TACC1: variants seen among roughly 807,000 people sequenced by gnomAD.
TACC1 encodes transforming acidic coiled-coil containing protein 1, also known as transforming acidic coiled-coil-containing protein 1.
Under a neutral mutation model 84.4 loss-of-function variants are expected in TACC1, and 48 were observed. That is an observed-to-expected ratio of 0.57 (90% CI 0.45 to 0.72). TACC1 has a LOEUF of 0.72. TACC1 is among the 30% of genes least tolerant of loss of function. The pLI is 0.00. For missense variants in TACC1, 920 were observed against 973.0 expected (o/e 0.95, Z 0.72); for synonymous variants, 372 against 376.3 (o/e 0.99, Z 0.13).
At chr8:38,812,814 A>G (rs1824534256) in intron 2 of TACC1, among the ~76,000 whole-genome samples, 1 of 152,088 alleles carries the variant, frequency 6.6e-6, no homozygotes, top group Non-Finnish European at 1.5e-5. Context: ...CTTTCCTGCT[A>G]GTCTCTAAAC....
chr8:38,738,019 G>C (rs116397359), intron 1 of TACC1, among the ~76,000 whole-genome samples: 1 of 152,064 alleles, frequency 6.6e-6, no homozygotes, highest in Non-Finnish European at 1.5e-5. Flanking sequence ...GAGTCACTGC[G>C]CCCGGCCTGG....
At chr8:38,814,376 C>A (rs118056711) in intron 2 of TACC1, among the ~76,000 whole-genome samples, 1,946 of 152,300 alleles carry the variant, frequency 0.013, 18 homozygotes, top group Non-Finnish European at 0.018. Flanking sequence ...CGACTGACTG[C>A]ATATATGATG....
intron 3 of TACC1, among the ~76,000 whole-genome samples, chr8:38,750,319 A>G (rs1808799837): frequency 6.6e-6 from 1 of 152,246 alleles, no homozygotes; most frequent in Admixed American, 6.5e-5. Context: ...AACTTCCTCA[A>G]CCTGATTAAG....
upstream of TACC1, among the ~76,000 whole-genome samples, chr8:38,785,101 GTT>G (rs1816864056): frequency 7.5e-6 from 1 of 134,086 alleles, no homozygotes; most frequent in Admixed American, 8.2e-5. Flanking sequence ...GCTGAAGGAC[GTT>G]CGAGCAGCTG....
In TACC1 at chr8:38,787,452, T is replaced by C. The variant is rs1817515650; in HGVS notation, c.-131T>C. ...ACCAGGGCCCCCGACGGCACTCGTT[T>C]AACCACATCCGCGCCTCTGCTGGAA... is the stretch of plus-strand genomic sequence containing the variant. On this transcript the variant is annotated 5_prime_UTR_variant, in exon 1 of 13. Transcript: ENST00000317827. The C allele has an allele frequency of 2.9e-6, 4 of 1,384,650 alleles. No individual in the cohort carries two copies. The highest frequency in any genetic ancestry group is 1.5e-5 in the African/African-American group (1 of 65,486). The allele number at this position is 1,384,650 out of a possible 1,614,324, so 85.8% of individuals were successfully genotyped here.
chr8:38,841,756 T>A (rs765035627), intron 9 of TACC1, among the ~76,000 whole-genome samples: 9 of 152,126 alleles, frequency 5.9e-5, no homozygotes, highest in Non-Finnish European at 1.0e-4. Flanking sequence ...TAGTGCAGAT[T>A]GTAATTTCTC....
At chr8:38,758,910 G>A (rs191812996) in intron 3 of TACC1, among the ~76,000 whole-genome samples, 83 of 152,076 alleles carry the variant, frequency 5.5e-4, no homozygotes, top group African/African-American at 1.9e-3. Context: ...TGCCGCAGCC[G>A]CCTCCCACCC....
At chr8:38,789,917 A>C (rs1010915103) in intron 2 of TACC1, among the ~76,000 whole-genome samples, 14 of 152,200 alleles carry the variant, frequency 9.2e-5, no homozygotes, top group African/African-American at 3.4e-4. Context: ...TGCTGCAGTG[A>C]GGATTTGGTT....
At chr8:38,739,879 C>A (rs1468667785) in intron 1 of TACC1, among the ~76,000 whole-genome samples, 2 of 152,106 alleles carry the variant, frequency 1.3e-5, no homozygotes, top group Non-Finnish European at 2.9e-5. Context: ...TTCTGCCTGC[C>A]CCATGGGGAG....
intron 3 of TACC1, among the ~76,000 whole-genome samples, chr8:38,751,360 A>T (rs951964858): frequency 6.6e-6 from 1 of 152,276 alleles, no homozygotes. Flanking sequence ...GCCGTGTGCT[A>T]TAGCACTGGA....
At chr8:38,749,468 A>G (rs754135385) in intron 3 of TACC1, among the ~76,000 whole-genome samples, 58 of 152,254 alleles carry the variant, frequency 3.8e-4, no homozygotes, top group Non-Finnish European at 7.5e-4. Context: ...ACTACAGTCC[A>G]ATATCCCTCA....
chr8:38,808,268 C>G (rs188321649), intron 2 of TACC1, among the ~76,000 whole-genome samples: 1 of 152,290 alleles, frequency 6.6e-6, no homozygotes, highest in Admixed American at 6.5e-5. Context: ...CATAACAGTG[C>G]TTTCAGATGA....
In TACC1 at chr8:38,772,632, T is replaced by C. The variant is rs957802468; in HGVS notation, c.27-16072T>C. Reference sequence around the variant, plus strand: ...CACATCCTGGTTTCCTCTTCATCCATGGGGAGCAGCACCTTATGAAGAAAA... The same window carrying C: ...CACATCCTGGTTTCCTCTTCATCCACGGGGAGCAGCACCTTATGAAGAAAA... On this transcript the variant is annotated intron_variant, in intron 3 of 14. Coordinates refer to the TACC1 transcript ENST00000518415. 1.8e-4 allele frequency among the ~76,000 whole-genome samples: 27 copies of C among 152,168 alleles called. 1 individual carries two copies. Among genetic ancestry groups the C allele is most frequent in the African/African-American group, 6.5e-4 (27 of 41,432 alleles).
At chr8:38,835,655 A>C (rs190848053) in intron 6 of TACC1, among the ~76,000 whole-genome samples, 1 of 152,352 alleles carries the variant, frequency 6.6e-6, no homozygotes, top group East Asian at 1.9e-4. Context: ...GAGTTCAAAT[A>C]TATTTGCTAT....
Position 38,848,174 on chromosome 8 carries a change from C to A in TACC1, c.*151C>A. On this transcript the variant is annotated 3_prime_UTR_variant, in exon 13 of 13. Transcript: ENST00000317827. ...GCCTACTGCTGCCTGTCCCGCTTTGCTGCCAATGCAACAGCCCTGGAAGAA... is the reference window on the plus strand; with the variant it reads ...GCCTACTGCTGCCTGTCCCGCTTTGATGCCAATGCAACAGCCCTGGAAGAA... The A allele has an allele frequency of 1.5e-6, 1 of 673,066 alleles. No individual in the cohort carries two copies. The highest frequency in any genetic ancestry group is 2.5e-6 in the Non-Finnish European group (1 of 404,500). The allele number at this position is 673,066 out of a possible 1,614,324, so 41.7% of individuals were successfully genotyped here.
At chr8:38,794,366 G>T (rs1819480995) in intron 2 of TACC1, among the ~76,000 whole-genome samples, 1 of 151,970 alleles carries the variant, frequency 6.6e-6, no homozygotes, top group Admixed American at 6.6e-5. Flanking sequence ...CGAACTCCTG[G>T]GCTCAAGTGA....
chr8:38,810,619 T>TATTTAAA (rs1174952501), intron 2 of TACC1, among the ~76,000 whole-genome samples: 4 of 151,396 alleles, frequency 2.6e-5, no homozygotes, highest in African/African-American at 9.7e-5. Context: ...AATAAATAAA[T>TATTTAAA]ATTTAAAATT....
intron 5 of TACC1, among the ~76,000 whole-genome samples, chr8:38,830,247 T>C (rs918242772): frequency 9.2e-5 from 14 of 152,206 alleles, no homozygotes; most frequent in African/African-American, 2.9e-4. Flanking sequence ...TTTACTTTAA[T>C]GAGTGCATCT....
At chr8:38,730,475 A>T (rs1749386680) in intron 1 of TACC1, among the ~76,000 whole-genome samples, 1 of 152,256 alleles carries the variant, frequency 6.6e-6, no homozygotes, top group Non-Finnish European at 1.5e-5. Flanking sequence ...CAGATTACTT[A>T]TTGAGCCAGG....
Sources: gnomAD v4.1 joint callset for allele counts (sites outside exome capture counted in the v4.1 genomes callset) on GRCh38, gnomAD v4.1.1 for gene constraint, MANE v1.5 for transcripts, NCBI Gene and HGNC (gene_info 2026-07-23, HGNC 2026-07-21) for gene names.